The following TPTE variants were observed in gnomAD, a reference collection of about 807,000 sequenced individuals.
The protein encoded by TPTE is putative tyrosine-protein phosphatase TPTE.
Under a neutral mutation model 84.1 loss-of-function variants are expected in TPTE, and 59 were observed. The ratio of observed to expected loss-of-function variants is 0.70; its 90% CI spans 0.57 to 0.87. The LOEUF (loss-of-function observed/expected upper bound fraction) is 0.87, where lower values mean the gene tolerates loss of function less well. Among genes scored for constraint, TPTE ranks in the 40% least tolerant of loss-of-function variants. The pLI is 0.00. For missense variants in TPTE, 382 were observed against 659.6 expected (o/e 0.58, Z 4.61); for synonymous variants, 130 against 223.5 (o/e 0.58, Z 3.73).
chr21:10,570,387 T>TC lies in TPTE; in HGVS notation c.731-97dup. 8 of 1,586,614 alleles carry TC rather than the reference T, an allele frequency of 5.0e-6. No homozygotes were observed. The South Asian group carries it at 9.3e-5, about 18-fold the overall frequency. The stretch of plus-strand genomic sequence containing the variant: ...AACCTCAATCTTAAAAGGTTTTTTT[T>TC]CTGTGAAAATGGAATCTGATCATGT... On this transcript the variant is annotated intron_variant, in intron 13 of 23. Coordinates refer to ENST00000618007, the MANE Select transcript of TPTE (RefSeq NM_199261.4).
intron 7 of TPTE, among the ~76,000 whole-genome samples, chr21:10,549,526 G>A (rs1430778879): frequency 6.6e-6 from 1 of 152,292 alleles, no homozygotes; most frequent in Admixed American, 6.5e-5. Flanking sequence ...GAAGCCCTAA[G>A]AGCTAAACAG....
At chr21:10,594,232 C>A (rs2075538991) in intron 19 of TPTE, among the ~76,000 whole-genome samples, 1 of 152,310 alleles carries the variant, frequency 6.6e-6, no homozygotes, top group Non-Finnish European at 1.5e-5. Context: ...CACTTGATAC[C>A]CTCATGCCAT....
intron 23 of TPTE, 53 bp downstream of exon 23, chr21:10,603,685 A>G (rs1978896062): frequency 1.9e-6 from 3 of 1,587,256 alleles, no homozygotes; most frequent in East Asian, 2.2e-5. Flanking sequence ...ATGTCTATGT[A>G]TAAGGTGTAA....
At chr21:10,602,654 G>A (rs2145809700) in intron 22 of TPTE, 2 of 517,990 alleles carry the variant, frequency 3.9e-6, no homozygotes, top group Admixed American at 1.9e-5. Flanking sequence ...AAGAGAGTTA[G>A]GTTTGGGTGA....
At chr21:10,525,151 C>T (rs2074056254) in intron 2 of TPTE, among the ~76,000 whole-genome samples, 1 of 152,308 alleles carries the variant, frequency 6.6e-6, no homozygotes, top group South Asian at 2.1e-4. Context: ...TCTCAATTAA[C>T]ACCTGAAACA....
intron 14 of TPTE, among the ~76,000 whole-genome samples, chr21:10,572,611 GA>G (rs397944742): frequency 3.4e-4 from 52 of 150,886 alleles, no homozygotes; most frequent in South Asian, 2.1e-4. Context: ...AGTACCGAAG[GA>G]AAAAAAAAAC....
At chr21:10,547,226 G>T in intron 7 of TPTE, among the ~76,000 whole-genome samples, 1 of 151,872 alleles carries the variant, frequency 6.6e-6, no homozygotes, top group East Asian at 1.9e-4. Flanking sequence ...TCCCCTACAA[G>T]AAAGAACCGA....
chr21:10,543,222 C>G (rs754233308), intron 6 of TPTE, 107 bp from the exon 7 acceptor site: 3 of 1,396,696 alleles, frequency 2.1e-6, no homozygotes, highest in Non-Finnish European at 1.9e-6. Context: ...TTAGTAGAGA[C>G]GGGGTTTCAC....
At chr21:10,587,189 A>G (rs1426694287) in intron 17 of TPTE, among the ~76,000 whole-genome samples, 2 of 152,296 alleles carry the variant, frequency 1.3e-5, no homozygotes, top group African/African-American at 4.8e-5. Flanking sequence ...AATAGGCAAA[A>G]GACTTTCTTT....
At chr21:10,586,011 C>A (rs2075357318) in intron 17 of TPTE, among the ~76,000 whole-genome samples, 1 of 152,304 alleles carries the variant, frequency 6.6e-6, no homozygotes, top group South Asian at 2.1e-4. Flanking sequence ...TTTTACTAGT[C>A]TTTTAAAAGA....
intron 10 of TPTE, among the ~76,000 whole-genome samples, chr21:10,561,643 C>T (rs2074807286): frequency 1.3e-5 from 2 of 152,426 alleles, no homozygotes; most frequent in East Asian, 1.9e-4. Flanking sequence ...GATTGATGCT[C>T]CTCTGCCTTT....
intron 3 of TPTE, among the ~76,000 whole-genome samples, chr21:10,532,082 A>G (rs1345316521): frequency 1.3e-5 from 2 of 152,310 alleles, no homozygotes; most frequent in African/African-American, 4.8e-5. Flanking sequence ...ATATGTTGAC[A>G]TAGATTTTGT....
intron 8 of TPTE, among the ~76,000 whole-genome samples, chr21:10,557,428 T>C: frequency 6.6e-6 from 1 of 152,312 alleles, no homozygotes; most frequent in East Asian, 1.9e-4. Context: ...CCAAGCCACT[T>C]CTTCATGCCT....
Position 10,577,335 on chromosome 21 carries a change from A to G in TPTE, c.796-125A>G, listed in dbSNP as rs1317459793. The G allele has an allele frequency of 7.2e-6, 11 of 1,517,418 alleles. No homozygotes were observed. In the South Asian group the frequency reaches 1.2e-4, roughly 16 times the overall value. 94.0% of individuals were successfully genotyped at this position (1,517,418 alleles called of 1,614,324 possible). On this transcript the variant is annotated intron_variant, in intron 14 of 23. Transcript: ENST00000618007. ...GTTTGCATACCCTCTTATTCCCTGA[A>G]TCTCCACTAGAAGATGCTAGTGAGA...
At chr21:10,527,088 A>G (rs1174774594) in intron 2 of TPTE, among the ~76,000 whole-genome samples, 7 of 152,304 alleles carry the variant, frequency 4.6e-5, no homozygotes, top group Non-Finnish European at 8.8e-5. Context: ...CCATTGATAT[A>G]GAAACATTCA....
intron 8 of TPTE, among the ~76,000 whole-genome samples, chr21:10,553,080 A>G (rs1181582469): frequency 1.3e-5 from 2 of 152,310 alleles, no homozygotes; most frequent in South Asian, 2.1e-4. Flanking sequence ...CCAATTTTGT[A>G]CATTTTGCCT....
intron 17 of TPTE, among the ~76,000 whole-genome samples, chr21:10,579,573 A>G (rs1267368537): frequency 6.6e-6 from 1 of 152,312 alleles, no homozygotes; most frequent in East Asian, 1.9e-4. Context: ...GGTAACCACC[A>G]TTCTACTCTC....
At chr21:10,521,888 A>AG (rs1294864452) in intron 1 of TPTE, among the ~76,000 whole-genome samples, 194 bp downstream of exon 1, 1 of 152,226 alleles carries the variant, frequency 6.6e-6, no homozygotes, top group Non-Finnish European at 1.5e-5. Context: ...CAAAAGGCCG[A>AG]GAAAAACTCC....
At chr21:10,529,992 T>C (rs2074149085) in intron 3 of TPTE, among the ~76,000 whole-genome samples, 1 of 152,310 alleles carries the variant, frequency 6.6e-6, no homozygotes, top group Admixed American at 6.5e-5. Context: ...CCTACCCCTA[T>C]TTGTTCACTA....
Sources: allele counts gnomAD v4.1 joint callset (sites outside exome capture counted in the v4.1 genomes callset), GRCh38; gene constraint gnomAD v4.1.1; transcripts MANE v1.5; gene names NCBI Gene and HGNC (gene_info 2026-07-23, HGNC 2026-07-21).